Variants in BARD1 observed in about 807,000 individuals in gnomAD.
The protein encoded by BARD1 is BRCA1 associated RING domain 1.
BARD1 carries 73 observed loss-of-function variants against 77.0 expected under a neutral mutation model. The observed-to-expected ratio is 0.95, with a 90% CI of 0.79 to 1.15. The LOEUF (loss-of-function observed/expected upper bound fraction) is 1.15, where lower values mean the gene tolerates loss of function less well. BARD1 is among the 50% of genes most tolerant of loss of function. The pLI is 0.00. For missense variants in BARD1, 993 were observed against 938.8 expected (o/e 1.06, Z -0.75); for synonymous variants, 384 against 338.0 (o/e 1.14, Z -1.49).
chr2:214,756,538 T>C (rs1008860648), intron 6 of BARD1, among the ~76,000 whole-genome samples: 1 of 152,224 alleles, frequency 6.6e-6, no homozygotes, highest in Non-Finnish European at 1.5e-5. Context: ...TGCATGTTTA[T>C]AGCAGCACAA....
At chr2:214,801,467 ACT>A (rs138173673) in intron 1 of BARD1, among the ~76,000 whole-genome samples, 2,349 of 152,272 alleles carry the variant, frequency 0.015, 20 homozygotes, top group Non-Finnish European at 0.023. Flanking sequence ...CTTTTCACAC[ACT>A]GTTTACCATT....
intron 3 of BARD1, 124 bp downstream of exon 3, chr2:214,792,172 AC>A: frequency 2.1e-6 from 2 of 942,486 alleles, no homozygotes; most frequent in Non-Finnish European, 3.0e-6. Flanking sequence ...AAAAAAACCT[AC>A]AGATTTTAAA....
intron 7 of BARD1, among the ~76,000 whole-genome samples, chr2:214,749,133 C>G (rs78729267): frequency 0.021 from 3,186 of 151,416 alleles, 103 homozygotes; most frequent in African/African-American, 0.073. Context: ...GATGCTAGAG[C>G]TGGGTCTGAA....
chr2:214,774,676 TC>T (rs906272635), intron 4 of BARD1, among the ~76,000 whole-genome samples: 1 of 152,300 alleles, frequency 6.6e-6, no homozygotes, highest in Non-Finnish European at 1.5e-5. Flanking sequence ...AGAAAGCCTG[TC>T]CTTTGAAGCC....
At chr2:214,799,139 A>T (rs1451338549) in intron 1 of BARD1, among the ~76,000 whole-genome samples, 3 of 152,074 alleles carry the variant, frequency 2.0e-5, no homozygotes, top group Non-Finnish European at 4.4e-5. Flanking sequence ...ATAAAATTTT[A>T]AAAATATAAA....
intron 3 of BARD1, among the ~76,000 whole-genome samples, chr2:214,787,777 G>A (rs938391293): frequency 2.6e-5 from 4 of 151,974 alleles, no homozygotes; most frequent in Admixed American, 6.6e-5. Context: ...ATAGAAAAAA[G>A]AGGCAATTAG....
At chr2:214,762,687 G>A (rs995294386) in intron 6 of BARD1, among the ~76,000 whole-genome samples, 1 of 151,980 alleles carries the variant, frequency 6.6e-6, no homozygotes, top group Non-Finnish European at 1.5e-5. Flanking sequence ...TTTATCAATC[G>A]ACTTGATAGA....
chr2:214,745,077 T>C lies in BARD1; in HGVS notation c.1893A>G (p.Leu631=), dbSNP rs1295646417. The C allele has an allele frequency of 6.2e-7, 1 of 1,613,732 alleles. No homozygotes were observed. The highest frequency in any genetic ancestry group is 1.1e-5 in the South Asian group (1 of 91,058). ...MLGILNGCWI[L]KFEWVKACLR... is the part of the protein sequence containing the mutation. Reference sequence around the variant, plus strand: ...AAATCCAACACTTACATTCAAATTTTAGAATCCAGCATCCATTGAGAATCC... The same window carrying C: ...AAATCCAACACTTACATTCAAATTTCAGAATCCAGCATCCATTGAGAATCC... Residue 631 remains leucine, a synonymous_variant, in exon 9 of 11, where the codon CTA becomes CTG. Coordinates refer to ENST00000260947, the MANE Select transcript of BARD1 (RefSeq NM_000465.4).
At chr2:214,748,354 G>A (rs550787701) in intron 7 of BARD1, among the ~76,000 whole-genome samples, 1 of 152,162 alleles carries the variant, frequency 6.6e-6, no homozygotes, top group African/African-American at 2.4e-5. Flanking sequence ...GACCCATGAG[G>A]CTCAAAAGAG....
At chr2:214,773,567 C>G (rs1246290825) in intron 4 of BARD1, among the ~76,000 whole-genome samples, 2 of 152,010 alleles carry the variant, frequency 1.3e-5, no homozygotes, top group East Asian at 3.9e-4. Flanking sequence ...TTCTGGTTTC[C>G]CAGCACATAT....
At chr2:214,738,447 C>T (rs76301476) in intron 9 of BARD1, among the ~76,000 whole-genome samples, 5,532 of 152,230 alleles carry the variant, frequency 0.036, 121 homozygotes, top group Middle Eastern at 0.061. Context: ...GGCTACAACA[C>T]TTTTCTATAA....
Position 214,728,850 on chromosome 2 carries a change from G to A in BARD1, c.2160C>T (p.Val720=), listed in dbSNP as rs137888190. ...DSDVTQTINT[V]AYHARPDSDQ... Reference sequence around the variant, plus strand: ...CAGAATCGGGTCTCGCATGGTATGCGACTGTATTGATGGTCTGAGTCACGT... The same window carrying A: ...CAGAATCGGGTCTCGCATGGTATGCAACTGTATTGATGGTCTGAGTCACGT... The change falls in exon 11 of 11, where the codon GTC becomes GTT. Residue 720 remains valine (V), a synonymous_variant. Transcript: ENST00000260947. The A allele has an allele frequency of 1.9e-5, 30 of 1,614,034 alleles. No homozygotes were observed. The highest frequency in any genetic ancestry group is 3.3e-4 in the Middle Eastern group (2 of 6,084).
chr2:214,754,622 G>C (rs1165717498), intron 6 of BARD1, among the ~76,000 whole-genome samples: 1 of 152,184 alleles, frequency 6.6e-6, no homozygotes, highest in Non-Finnish European at 1.5e-5. Context: ...GTCTAAGCCA[G>C]TAAGATGATT....
rs946016547 is a variant in BARD1 at position 214,745,762 on chromosome 2, T to G, written c.1770A>C (p.Val590=). 2 of 1,613,966 alleles carry G rather than the reference T, an allele frequency of 1.2e-6. No homozygotes were observed. ...EQQKMLSELA[V]ILKAKKYTEF... is the part of the protein sequence containing the mutation. ...CAGTATATTTTTTAGCCTTAAGAAT[T>G]ACTGCAAGCTCACTGAGCATTTTCT... The change falls in exon 8 of 11, where the codon GTA becomes GTC. Residue 590 remains valine, a synonymous_variant. Transcript: ENST00000260947.
intron 2 of BARD1, among the ~76,000 whole-genome samples, chr2:214,796,039 A>G (rs1695740482): frequency 6.6e-6 from 1 of 152,182 alleles, no homozygotes; most frequent in Non-Finnish European, 1.5e-5. Context: ...ATTTTCATAT[A>G]TGCTCAAATT....
At chr2:214,804,045 A>C (rs921604327) in intron 1 of BARD1, among the ~76,000 whole-genome samples, 2 of 152,210 alleles carry the variant, frequency 1.3e-5, no homozygotes, top group Non-Finnish European at 2.9e-5. Context: ...ATCAACTGCT[A>C]TTTAATATTA....
chr2:214,755,500 C>T (rs567782172), intron 6 of BARD1, among the ~76,000 whole-genome samples: 1 of 152,264 alleles, frequency 6.6e-6, no homozygotes, highest in African/African-American at 2.4e-5. Context: ...TGAGGATAAA[C>T]GTTCATTCAA....
chr2:214,727,871 T>C lies in BARD1; in HGVS notation c.*805A>G. ...AAAGTAATGACGTTGGACTGACAAT[T>C]TGCTAGACTGGTCAGACCTTTTAAA... On this transcript the variant is annotated 3_prime_UTR_variant, in exon 11 of 11. Transcript: ENST00000260947. 4.5e-6 allele frequency: 1 copy of C among 219,810 alleles called. No individual in the cohort carries two copies. The highest frequency in any genetic ancestry group is 9.1e-6 in the Non-Finnish European group (1 of 109,720). 13.6% of individuals were successfully genotyped at this position (219,810 alleles called of 1,614,324 possible).
chr2:214,758,002 G>T (rs1474313297), intron 6 of BARD1, among the ~76,000 whole-genome samples: 2 of 152,124 alleles, frequency 1.3e-5, no homozygotes, highest in African/African-American at 4.8e-5. Flanking sequence ...AGGAATATGA[G>T]GTACTCTCGA....
Sources: gnomAD v4.1 joint callset for allele counts (sites outside exome capture counted in the v4.1 genomes callset) on GRCh38, gnomAD v4.1.1 for gene constraint, MANE v1.5 for transcripts, NCBI Gene and HGNC (gene_info 2026-07-23, HGNC 2026-07-21) for gene names.